The following MAK variants were observed in gnomAD, a reference collection of about 807,000 sequenced individuals.
MAK encodes male germ cell associated kinase.
A neutral mutation model predicts 82.6 loss-of-function variants in MAK; 65 were observed. The observed-to-expected ratio is 0.79, with a 90% CI of 0.64 to 0.97. The LOEUF (loss-of-function observed/expected upper bound fraction) is 0.97, where lower values mean the gene tolerates loss of function less well. MAK is among the 50% of genes least tolerant of loss of function. The probability of loss-of-function intolerance (pLI) is 0.00; values close to 1 mark genes in which losing one functional copy is unlikely to be tolerated. For missense variants in MAK, 703 were observed against 780.2 expected, an observed-to-expected ratio of 0.90 and a Z score of 1.18; for synonymous variants, 250 against 274.2, an observed-to-expected ratio of 0.91 and a Z score of 0.87.
At chr6:10,769,365 T>C (rs1465600134) in intron 14 of MAK, among the ~76,000 whole-genome samples, 2 of 152,246 alleles carry the variant, frequency 1.3e-5, no homozygotes, top group Non-Finnish European at 2.9e-5. Flanking sequence ...TCAAATCTGA[T>C]TGGCTTAAGT....
chr6:10,815,555 C>T (rs1470913440), intron 4 of MAK, among the ~76,000 whole-genome samples: 4 of 151,942 alleles, frequency 2.6e-5, no homozygotes, highest in South Asian at 2.1e-4. Context: ...CCCAAGAGGT[C>T]GAGGCTACAG....
chr6:10,775,421 T>A lies in MAK; in HGVS notation c.1504A>T (p.Lys502Ter). The change falls in exon 12 of 15, where the codon AAG becomes TAG. Residue 502 changes from lysine to a stop codon, truncating the protein, a stop_gained. Transcript: ENST00000354489. LOFTEE classifies it high-confidence loss of function. ...PKKVSLIASG[K>*]EINPHTWSNQ... ...CTCCAAGTGTGGGGGTTTATTTCCT[T>A]TCCACTGGCTATCAAGGACACCTTC... The A allele has an allele frequency of 6.2e-7, 1 of 1,613,862 alleles. No homozygotes were observed. The highest frequency in any genetic ancestry group is 8.5e-7 in the Non-Finnish European group (1 of 1,179,812).
rs1404894375 is a variant in MAK, at chr6:10,821,491, G to A, written c.102-2551C>T. 2.6e-5 allele frequency among the ~76,000 whole-genome samples: 4 copies of A among 150,982 alleles called. No homozygotes were observed. In the South Asian group the frequency reaches 6.3e-4, roughly 24 times the overall value. On this transcript the variant is annotated intron_variant, in intron 2 of 14. Transcript: ENST00000354489. ...CGGTTTTGCCATGTTGGCCAGGCTG[G>A]TCTCGAATTCCTGACCTCAGGTAAT...
intron 2 of MAK, among the ~76,000 whole-genome samples, chr6:10,822,085 T>C (rs2127581037): frequency 7.3e-6 from 1 of 137,024 alleles, no homozygotes; most frequent in East Asian, 2.2e-4. Flanking sequence ...AGGCAGAGCT[T>C]GCAGTGAGCT....
chr6:10,770,238 CAT>C lies in MAK; in HGVS notation c.1673-10_1673-9del. The C allele has an allele frequency of 1.9e-6, 3 of 1,613,664 alleles. No individual in the cohort carries two copies. The East Asian group carries it at 6.7e-5, about 36-fold the overall frequency. On this transcript the variant is annotated splice_polypyrimidine_tract_variant and intron_variant, in intron 13 of 14. Coordinates refer to ENST00000354489, the MANE Select transcript of MAK (RefSeq NM_001242957.3). ...CATAACTTCCAAGATTTCCTAGTGA[CAT>C]ATCATAAAGTTTCACAGTCAGAAGG...
Position 10,802,211 on chromosome 6 carries a change from C to A in MAK, c.664-152G>T. ...AACATGAAAATGAAATACCAGACCACGTCTATAATTTAGTGCTACGACAGT... is the reference window on the plus strand; with the variant it reads ...AACATGAAAATGAAATACCAGACCAAGTCTATAATTTAGTGCTACGACAGT... On this transcript the variant is annotated intron_variant, in intron 7 of 14. Coordinates refer to ENST00000354489, the MANE Select transcript of MAK (RefSeq NM_001242957.3). The A allele has an allele frequency of 4.8e-6, 3 of 623,342 alleles. 1 individual carries two copies. 38.6% of individuals were successfully genotyped at this position (623,342 alleles called of 1,614,324 possible).
rs892681490 is a variant in MAK at position 10,796,253 on chromosome 6, A to G, written c.888T>C (p.His296=). ...VGQVLGPSSN[H]LESKQSLNKQ... is the part of the protein sequence containing the mutation. ...TATTTAAAGACTGTTTTGATTCCAG[A>G]TGATTTGACGAAGGGCCTAATACCT... Residue 296 remains histidine (H), a synonymous_variant, in exon 9 of 15, where the codon CAT becomes CAC. Transcript: ENST00000354489. 1.1e-5 allele frequency: 17 copies of G among 1,614,180 alleles called. No individual in the cohort carries two copies. Among genetic ancestry groups the G allele is most frequent in the Non-Finnish European group, 1.3e-5 (15 of 1,180,034 alleles).
rs369366208 is a variant in MAK at position 10,793,927 on chromosome 6, C to T, written c.1143+2071G>A. Among the ~76,000 whole-genome samples, 1 of 152,142 alleles carries T rather than the reference C, an allele frequency of 6.6e-6. No homozygotes were observed. Among genetic ancestry groups the T allele is most frequent in the Admixed American group, 6.6e-5 (1 of 15,266 alleles). ...TCTATATTCCCTGCCTGCTGTCTGC[C>T]TCTAGCTCTGGCAACCTCATTCTAA... On this transcript the variant is annotated intron_variant, in intron 9 of 14. Coordinates refer to ENST00000354489, the MANE Select transcript of MAK (RefSeq NM_001242957.3). This position sits in a 1 kb window ranked among gnomAD's most constrained non-coding sequence, Gnocchi z 4.6.
chr6:10,808,519 T>G (rs1170965836), intron 6 of MAK, among the ~76,000 whole-genome samples: 1 of 152,158 alleles, frequency 6.6e-6, no homozygotes, highest in Non-Finnish European at 1.5e-5. Context: ...TCTTTTCTTT[T>G]TTTATTTCAC....
At chr6:10,790,950 C>T (rs754986375) in intron 10 of MAK, among the ~76,000 whole-genome samples, 22 of 152,192 alleles carry the variant, frequency 1.4e-4, no homozygotes, top group Non-Finnish European at 2.8e-4. Flanking sequence ...CTCCCTCTCT[C>T]TCTTGCTCCC....
At chr6:10,794,447 G>T (rs1379177242) in intron 9 of MAK, among the ~76,000 whole-genome samples, 1 of 152,172 alleles carries the variant, frequency 6.6e-6, no homozygotes, top group Admixed American at 6.5e-5. Context: ...GTAATTAACA[G>T]TATGTTAGAA....
At chr6:10,808,416 C>CACGT (rs1289304422) in intron 6 of MAK, among the ~76,000 whole-genome samples, 1 of 152,164 alleles carries the variant, frequency 6.6e-6, no homozygotes, top group Non-Finnish European at 1.5e-5. Flanking sequence ...TTCTGGTGAA[C>CACGT]ACGTGTATGT....
chr6:10,790,281 T>C (rs1774961257), intron 10 of MAK, among the ~76,000 whole-genome samples: 1 of 152,140 alleles, frequency 6.6e-6, no homozygotes, highest in African/African-American at 2.4e-5. Context: ...TATCCAAGCA[T>C]ATGTACTCCT....
chr6:10,764,546 G>C lies in MAK; in HGVS notation c.1853C>G (p.Thr618Arg). ...GTTCACAATATTTAGGTTTTTTGCT[G>C]TAGGATTATAAGTACGTCCTGAAAA... ...GQFSGRTYNP[T>R]AKNLNIVNRA... Residue 618 changes from threonine (T) to arginine (R), a missense_variant, in exon 15 of 15, where the codon ACA (threonine) becomes AGA (arginine). Physicochemically the swap from Thr to Arg is moderately conservative, Grantham distance 71 (BLOSUM62 -1). Coordinates refer to ENST00000354489, the MANE Select transcript of MAK (RefSeq NM_001242957.3). 6.2e-7 allele frequency: 1 copy of C among 1,614,012 alleles called. No individual in the cohort carries two copies. The highest frequency in any genetic ancestry group is 8.5e-7 in the Non-Finnish European group (1 of 1,179,944).
chr6:10,784,276 A>ACAGG, intron 11 of MAK, 148 bp downstream of exon 11: 1 of 736,588 alleles, frequency 1.4e-6, no homozygotes, highest in Non-Finnish European at 2.3e-6. Context: ...AGGTCCAGAA[A>ACAGG]AGTCCTTGGC....
At chr6:10,768,269 G>A (rs1772652313) in intron 14 of MAK, among the ~76,000 whole-genome samples, 1 of 152,058 alleles carries the variant, frequency 6.6e-6, no homozygotes, top group Non-Finnish European at 1.5e-5. Context: ...ATGATTTTCT[G>A]CCTTTATATT....
At chr6:10,788,125 G>A (rs1230839918) in intron 10 of MAK, among the ~76,000 whole-genome samples, 2 of 151,620 alleles carry the variant, frequency 1.3e-5, no homozygotes, top group Non-Finnish European at 2.9e-5. Context: ...TGAGTAGCTC[G>A]AACTACAGGT....
intron 14 of MAK, among the ~76,000 whole-genome samples, chr6:10,766,648 A>G (rs1291795266): frequency 2.0e-5 from 3 of 152,194 alleles, no homozygotes; most frequent in East Asian, 1.9e-4. Flanking sequence ...CATGTGGGCC[A>G]CAGGTCAAAC....
intron 1 of MAK, among the ~76,000 whole-genome samples, chr6:10,835,404 C>T (rs1156883561): frequency 3.9e-5 from 6 of 152,274 alleles, no homozygotes; most frequent in African/African-American, 9.6e-5. Context: ...GGATTACAGG[C>T]GCGTGCCACC....
Sources: allele counts gnomAD v4.1 joint callset (sites outside exome capture counted in the v4.1 genomes callset), GRCh38; gene constraint gnomAD v4.1.1; non-coding constraint Gnocchi (gnomAD v3.1); transcripts MANE v1.5; gene names NCBI Gene and HGNC (gene_info 2026-07-23, HGNC 2026-07-21).